The following SHB variants were observed in gnomAD, a reference collection of about 807,000 sequenced individuals.
The protein encoded by SHB is SH2 domain containing adaptor protein B.
Under a neutral mutation model 52.3 loss-of-function variants are expected in SHB, and 20 were observed. That is an observed-to-expected ratio of 0.38 (90% confidence interval 0.27 to 0.56). SHB has a LOEUF of 0.56. Among genes scored for constraint, SHB ranks in the 20% least tolerant of loss-of-function variants. SHB has a pLI of 0.71. For synonymous variants in SHB, 397 were observed against 316.5 expected (o/e 1.25, Z -2.70); for missense variants, 825 against 723.3 (o/e 1.14, Z -1.61).
chr9:37,960,385 A>G (rs1001476328), intron 3 of SHB, among the ~76,000 whole-genome samples: 2 of 152,244 alleles, frequency 1.3e-5, no homozygotes, highest in Non-Finnish European at 2.9e-5. Context: ...GAGAAAAAAT[A>G]TGCTACCCCC....
intron 5 of SHB, among the ~76,000 whole-genome samples, chr9:37,944,511 C>T (rs917436214): frequency 6.6e-5 from 10 of 152,154 alleles, no homozygotes; most frequent in African/African-American, 2.4e-4. Flanking sequence ...TAAGGAATGC[C>T]GGGGAGGAGA....
intron 1 of SHB, among the ~76,000 whole-genome samples, chr9:38,047,903 T>A (rs1402847859): frequency 6.6e-6 from 1 of 152,216 alleles, no homozygotes; most frequent in Non-Finnish European, 1.5e-5. Flanking sequence ...AAAGTCCCGA[T>A]CGAACACTAA....
chr9:38,019,456 CTTA>C, intron 1 of SHB, among the ~76,000 whole-genome samples: 1 of 152,364 alleles, frequency 6.6e-6, no homozygotes, highest in East Asian at 1.9e-4. Context: ...GTGTTTTTAT[CTTA>C]GAAACTTCAC....
chr9:37,924,286 C>T (rs1360730663), intron 5 of SHB, among the ~76,000 whole-genome samples: 2 of 152,188 alleles, frequency 1.3e-5, no homozygotes, highest in Admixed American at 6.5e-5. Context: ...CACCTTGCAG[C>T]GCAATCACGG....
chr9:37,935,351 G>C (rs551710105), intron 5 of SHB, among the ~76,000 whole-genome samples: 1 of 152,346 alleles, frequency 6.6e-6, no homozygotes, highest in East Asian at 1.9e-4. Flanking sequence ...TTCTCCCTGC[G>C]AGGTTGTGTT....
At chr9:38,001,829 T>A (rs1821017669) in intron 2 of SHB, among the ~76,000 whole-genome samples, 1 of 152,204 alleles carries the variant, frequency 6.6e-6, no homozygotes, top group Non-Finnish European at 1.5e-5. Flanking sequence ...CACCCACACT[T>A]ACCCGCTGAG....
chr9:38,009,038 G>T (rs146667109), intron 2 of SHB, among the ~76,000 whole-genome samples: 1 of 152,188 alleles, frequency 6.6e-6, no homozygotes, highest in Non-Finnish European at 1.5e-5. Flanking sequence ...CAGGGCTGAC[G>T]GCAAATATGA....
chr9:37,965,027 T>C (rs149681459), intron 3 of SHB, among the ~76,000 whole-genome samples: 26 of 152,328 alleles, frequency 1.7e-4, no homozygotes, highest in Middle Eastern at 6.8e-3. Flanking sequence ...TTTAGAATCC[T>C]AGAGCCTGGG....
chr9:37,956,567 C>T (rs762391694), intron 3 of SHB, among the ~76,000 whole-genome samples: 1 of 152,300 alleles, frequency 6.6e-6, no homozygotes, highest in Middle Eastern at 3.4e-3. Flanking sequence ...TCAGATCCCC[C>T]GCATGGGCCC....
In SHB at chr9:38,068,588, G is replaced by C; in HGVS notation, c.58C>G (p.Pro20Ala). The C allele has an allele frequency of 6.7e-7, 1 of 1,492,326 alleles. No homozygotes were observed. Among genetic ancestry groups the C allele is most frequent in the South Asian group, 1.3e-5 (1 of 77,804 alleles). The allele number at this position is 1,492,326 out of a possible 1,614,324, so 92.4% of individuals were successfully genotyped here. A position where few individuals can be genotyped will look rare whatever the true frequency, so the allele number is the denominator to read the frequency against. Residue 20 changes from proline (P) to alanine (A), a missense_variant, in exon 1 of 6, where the codon CCG (proline) becomes GCG (alanine). Pro to Ala is a conservative substitution (Grantham distance 27, BLOSUM62 -1). Transcript: ENST00000377707. ...SLGNSKTKSP[P>A]QPPRPDYREQ... is the part of the protein sequence containing the mutation. Reference sequence around the variant, plus strand: ...CGGTAGTCTGGCCGCGGCGGCTGCGGGGGGCTCTTGGTCTTGCTGTTGCCC... The same window carrying C: ...CGGTAGTCTGGCCGCGGCGGCTGCGCGGGGCTCTTGGTCTTGCTGTTGCCC...
chr9:38,029,598 C>T (rs1234376795), intron 1 of SHB, among the ~76,000 whole-genome samples: 1 of 116,550 alleles, frequency 8.6e-6, no homozygotes, highest in African/African-American at 6.1e-5. Flanking sequence ...TCAAGCAATT[C>T]TCTCACCTCT....
chr9:38,035,279 CAG>C (rs1372256083), intron 1 of SHB, among the ~76,000 whole-genome samples: 1 of 151,690 alleles, frequency 6.6e-6, no homozygotes, highest in African/African-American at 2.4e-5. Context: ...CAAAGTATAA[CAG>C]AGTATTTGGG....
At chr9:37,990,539 A>T (rs921327976) in intron 2 of SHB, among the ~76,000 whole-genome samples, 3 of 149,096 alleles carry the variant, frequency 2.0e-5, no homozygotes, top group Non-Finnish European at 2.9e-5. Context: ...ACAAATGTTT[A>T]AAAAAAAATT....
intron 5 of SHB, among the ~76,000 whole-genome samples, chr9:37,922,644 G>A (rs137999364): frequency 7.6e-4 from 116 of 152,318 alleles, no homozygotes; most frequent in African/African-American, 2.7e-3. Context: ...AGAGACCAAG[G>A]CAGAGCTGGG....
chr9:37,934,003 C>T (rs1371434767), intron 5 of SHB, among the ~76,000 whole-genome samples: 1 of 152,234 alleles, frequency 6.6e-6, no homozygotes, highest in African/African-American at 2.4e-5. Context: ...CTTCTGCTGC[C>T]CGTTCCCCAG....
In SHB at chr9:38,068,682, G is replaced by A. The variant is rs758733909; in HGVS notation, c.-37C>T. 20 of 1,266,356 alleles carry A rather than the reference G, an allele frequency of 1.6e-5. No individual in the cohort carries two copies. The South Asian group carries it at 5.0e-4, about 31-fold the overall frequency. 78.4% of individuals were successfully genotyped at this position (1,266,356 alleles called of 1,614,324 possible). The stretch of plus-strand genomic sequence containing the variant: ...GCCTAGGGCCGCGGCGCGGGAGCCC[G>A]GTCCGCCGCCGCGGCCATTCGGGGG... On this transcript the variant is annotated 5_prime_UTR_variant, in exon 1 of 6. Coordinates refer to ENST00000377707, the MANE Select transcript of SHB (RefSeq NM_003028.3).
At chr9:38,017,053 G>A (rs538928575) in intron 1 of SHB, among the ~76,000 whole-genome samples, 9 of 152,298 alleles carry the variant, frequency 5.9e-5, no homozygotes, top group African/African-American at 1.9e-4. Context: ...AAAAATTCTC[G>A]ATTGCAGGCT....
chr9:38,062,061 C>T lies in SHB; in HGVS notation c.717+5868G>A, dbSNP rs564204894. ...GGGACACCAAAGCAAAGGCTGAAAG[C>T]GGAGAAATTACAGCAGAGGGATGCA... On this transcript the variant is annotated intron_variant, in intron 1 of 5. Transcript: ENST00000377707. 2.4e-4 allele frequency among the ~76,000 whole-genome samples: 37 copies of T among 152,036 alleles called. 1 individual carries two copies. The highest frequency in any genetic ancestry group is 4.2e-4 in the South Asian group (2 of 4,812).
At chr9:37,978,541 A>G (rs1820681164) in intron 2 of SHB, among the ~76,000 whole-genome samples, 1 of 152,284 alleles carries the variant, frequency 6.6e-6, no homozygotes. Context: ...TGCTAAGCTA[A>G]AAAGTAAAAT....
Sources: allele counts gnomAD v4.1 joint callset (sites outside exome capture counted in the v4.1 genomes callset), GRCh38; gene constraint gnomAD v4.1.1; transcripts MANE v1.5; gene names NCBI Gene and HGNC (gene_info 2026-07-23, HGNC 2026-07-21).